Variants in XKR6 observed in about 807,000 individuals in gnomAD.
XKR6 encodes XK related 6.
Under a neutral mutation model 56.7 loss-of-function variants are expected in XKR6, and 22 were observed. The observed-to-expected ratio is 0.39, with a 90% confidence interval of 0.28 to 0.55. XKR6 has a LOEUF of 0.55. XKR6 is among the 20% of genes least tolerant of loss of function. The pLI is 0.66. For missense variants in XKR6, 852 were observed against 889.0 expected (o/e 0.96, Z 0.53); for synonymous variants, 524 against 387.8 (o/e 1.35, Z -4.13).
rs202021089 is a variant in XKR6, at chr8:10,898,568, C to T, written c.1310G>A (p.Arg437Gln). ...ATATGCAAACATTCGATATCGAGTC[C>T]GCCCTTCCTTGACGTTAAACCAGCA... The part of the protein sequence containing the change: ...IFCWFNVKEG[R>Q]TRYRMFAYYT... Residue 437 changes from arginine to glutamine, a missense_variant, in exon 3 of 3, where the codon CGG becomes CAG. Physicochemically the swap from Arg to Gln is conservative, Grantham distance 43 (BLOSUM62 1). This residue lies in a region of XKR6 where 199 missense variants were observed against 280.4 expected (regional missense o/e 0.71). Transcript: ENST00000416569. The surrounding 1 kb of genome is among the most constrained non-coding windows in gnomAD (Gnocchi z 6.6). 182 of 1,614,060 alleles carry T rather than the reference C, an allele frequency of 1.1e-4. No individual in the cohort carries two copies. Among genetic ancestry groups the T allele is most frequent in the Non-Finnish European group, 1.4e-4 (165 of 1,180,016 alleles).
Position 11,200,970 on chromosome 8 carries a change from G to A in XKR6, c.370C>T (p.Arg124Trp). Residue 124 changes from arginine (R) to tryptophan (W), a missense_variant, in exon 1 of 3, where the codon CGG becomes TGG. By Grantham distance (101) the Arg-to-Trp change is moderately radical. Transcript: ENST00000416569. The surrounding 1 kb of genome is among the most constrained non-coding windows in gnomAD (Gnocchi z 6.4). ...RPEPPPPQVERPWLDCLWIVL... is the reference protein window; with the variant it reads ...RPEPPPPQVEWPWLDCLWIVL... ...ATCCACAGGCAGTCGAGCCACGGCC[G>A]CTCCACCTGCGGCGGCGGCGGCTCC... is the stretch of plus-strand genomic sequence containing the variant. 6 of 1,510,772 alleles carry A rather than the reference G, an allele frequency of 4.0e-6. No homozygotes were observed. Among genetic ancestry groups the A allele is most frequent in the Non-Finnish European group, 5.3e-6 (6 of 1,131,510 alleles). The allele number at this position is 1,510,772 out of a possible 1,614,324, so 93.6% of individuals were successfully genotyped here.
intron 1 of XKR6, among the ~76,000 whole-genome samples, chr8:11,065,505 A>C (rs1799953330): frequency 6.6e-6 from 1 of 151,968 alleles, no homozygotes; most frequent in African/African-American, 2.4e-5. Flanking sequence ...GATGAGCGTC[A>C]TATCAGCCAC....
At chr8:11,079,605 T>C (rs55813668) in intron 1 of XKR6, among the ~76,000 whole-genome samples, 33,836 of 152,096 alleles carry the variant, frequency 0.22, 4,183 homozygotes, top group African/African-American at 0.32. Context: ...GAAAGAATAT[T>C]GGTTTCACTT....
chr8:10,998,822 C>T (rs1400866547), intron 1 of XKR6, among the ~76,000 whole-genome samples: 1 of 152,350 alleles, frequency 6.6e-6, no homozygotes, highest in Non-Finnish European at 1.5e-5. Context: ...CCAGATCCCA[C>T]AGATTCTGTT....
chr8:11,027,870 TG>T (rs1372839714), intron 1 of XKR6, among the ~76,000 whole-genome samples: 1 of 152,154 alleles, frequency 6.6e-6, no homozygotes, highest in Non-Finnish European at 1.5e-5. Flanking sequence ...CCTTTGAGGC[TG>T]GGCTAGAAGC....
At chr8:10,964,706 C>G (rs1267665492) in intron 1 of XKR6, among the ~76,000 whole-genome samples, 1 of 152,212 alleles carries the variant, frequency 6.6e-6, no homozygotes, top group African/African-American at 2.4e-5. Context: ...GCCTGCCCAC[C>G]CTGGAGTCAC....
intron 1 of XKR6, among the ~76,000 whole-genome samples, chr8:11,140,668 T>C (rs7845187): frequency 0.97 from 148,081 of 152,132 alleles, 72,089 homozygotes; most frequent in East Asian, 1. Flanking sequence ...GAGGCTGAGG[T>C]GGGTGGGTCA....
At chr8:11,158,692 C>T (rs919303960) in intron 1 of XKR6, among the ~76,000 whole-genome samples, 5 of 152,174 alleles carry the variant, frequency 3.3e-5, no homozygotes, top group East Asian at 1.9e-4. Context: ...TTTATACAAT[C>T]GTATATCCCT....
At chr8:11,163,305 G>C (rs1801913320) in intron 1 of XKR6, among the ~76,000 whole-genome samples, 1 of 152,146 alleles carries the variant, frequency 6.6e-6, no homozygotes, top group Admixed American at 6.5e-5. Flanking sequence ...TTACCCAGAA[G>C]AATGTATTAT....
intron 1 of XKR6, among the ~76,000 whole-genome samples, chr8:11,065,813 A>G (rs1799962468): frequency 6.6e-6 from 1 of 152,146 alleles, no homozygotes; most frequent in Non-Finnish European, 1.5e-5. Context: ...CCTACTACAC[A>G]GCAGCTGTCC....
chr8:10,993,607 G>C (rs1165001307), intron 1 of XKR6, among the ~76,000 whole-genome samples: 1 of 152,196 alleles, frequency 6.6e-6, no homozygotes, highest in Non-Finnish European at 1.5e-5. Context: ...AGAGGAGCTG[G>C]TACTAAGCAG....
At chr8:11,156,155 TC>T (rs1371064647) in intron 1 of XKR6, among the ~76,000 whole-genome samples, 1 of 152,212 alleles carries the variant, frequency 6.6e-6, no homozygotes, top group African/African-American at 2.4e-5. Flanking sequence ...TCCAGTCCCT[TC>T]CCTCTTCACC....
At chr8:11,109,056 T>G (rs942409830) in intron 1 of XKR6, 1 of 152,230 alleles carries the variant, frequency 6.6e-6, no homozygotes, top group Non-Finnish European at 1.5e-5. Flanking sequence ...CTCAGTGATA[T>G]GCCGGGCTAT....
At chr8:10,918,394 G>A (rs1259765800) in intron 2 of XKR6, among the ~76,000 whole-genome samples, 1 of 152,202 alleles carries the variant, frequency 6.6e-6, no homozygotes. Context: ...ATCGCTTTCT[G>A]ACCATGTCAG....
intron 1 of XKR6, among the ~76,000 whole-genome samples, chr8:11,074,675 A>G (rs1800222510): frequency 6.6e-6 from 1 of 152,168 alleles, no homozygotes; most frequent in Non-Finnish European, 1.5e-5. Context: ...CAGGAAGCAC[A>G]CAGTCCAAGG....
intron 1 of XKR6, among the ~76,000 whole-genome samples, chr8:11,132,147 C>G (rs1310968523): frequency 1.3e-5 from 2 of 152,058 alleles, no homozygotes; most frequent in African/African-American, 4.8e-5. Flanking sequence ...TCCTAACAAG[C>G]TCCCAGGTAT....
chr8:11,033,584 T>A (rs556499168), intron 1 of XKR6, among the ~76,000 whole-genome samples: 76 of 152,298 alleles, frequency 5.0e-4, no homozygotes, highest in African/African-American at 1.7e-3. Context: ...GTGATGATAC[T>A]GTTAATGGCC....
chr8:11,103,209 AACT>A (rs1798549527), intron 1 of XKR6, among the ~76,000 whole-genome samples: 1 of 152,228 alleles, frequency 6.6e-6, no homozygotes, highest in Non-Finnish European at 1.5e-5. Flanking sequence ...AGAAGACAGA[AACT>A]ACAATTTGTT....
chr8:11,154,000 C>T (rs754546887), intron 1 of XKR6, among the ~76,000 whole-genome samples: 19 of 152,222 alleles, frequency 1.2e-4, no homozygotes, highest in Non-Finnish European at 2.1e-4. Context: ...ATAAAACTCA[C>T]TGCAATCCTT....
Sources: gnomAD v4.1 joint callset for allele counts (sites outside exome capture counted in the v4.1 genomes callset) on GRCh38, gnomAD v4.1.1 for gene constraint, gnomAD v4.1.1 regional missense constraint, Gnocchi (gnomAD v3.1) non-coding constraint, MANE v1.5 for transcripts, NCBI Gene and HGNC (gene_info 2026-07-23, HGNC 2026-07-21) for gene names.